The following PCOLCE2 variants were observed in gnomAD, a reference collection of about 807,000 sequenced individuals.
The protein encoded by PCOLCE2 is procollagen C-proteinase enhancer 2.
PCOLCE2 carries 42 observed loss-of-function variants against 47.0 expected under a neutral mutation model. The observed-to-expected ratio is 0.89, with a 90% CI of 0.70 to 1.16. The LOEUF (loss-of-function observed/expected upper bound fraction) is 1.16, where lower values mean the gene tolerates loss of function less well. Among genes scored for constraint, PCOLCE2 ranks in the 50% most tolerant of loss-of-function variants. PCOLCE2 has a pLI of 0.00. For missense variants in PCOLCE2, 500 were observed against 526.1 expected, an observed-to-expected ratio of 0.95 and a Z score of 0.49; for synonymous variants, 169 against 191.7, an observed-to-expected ratio of 0.88 and a Z score of 0.98.
At chr3:142,882,237 T>C (rs1315452020) in intron 2 of PCOLCE2, among the ~76,000 whole-genome samples, 1 of 152,076 alleles carries the variant, frequency 6.6e-6, no homozygotes, top group African/African-American at 2.4e-5. Context: ...TCTCTTTACG[T>C]TGTTCAGGCT....
At chr3:142,885,739 C>T (rs1933707347) in intron 2 of PCOLCE2, among the ~76,000 whole-genome samples, 1 of 152,224 alleles carries the variant, frequency 6.6e-6, no homozygotes, top group African/African-American at 2.4e-5. Context: ...ACTCTTAACT[C>T]CCTACAGTTC....
At chr3:142,855,267 T>C (rs1176913196) in intron 2 of PCOLCE2, among the ~76,000 whole-genome samples, 2 of 152,326 alleles carry the variant, frequency 1.3e-5, no homozygotes, top group East Asian at 1.9e-4. Flanking sequence ...GGTCTACAGT[T>C]TGTCCAATGC....
intron 2 of PCOLCE2, among the ~76,000 whole-genome samples, chr3:142,885,969 G>C (rs1443723405): frequency 6.6e-6 from 1 of 152,198 alleles, no homozygotes; most frequent in Non-Finnish European, 1.5e-5. Context: ...CAGGCACTGA[G>C]TTGAAGCATT....
At chr3:142,851,540 G>A (rs912858638) in intron 2 of PCOLCE2, among the ~76,000 whole-genome samples, 1 of 152,166 alleles carries the variant, frequency 6.6e-6, no homozygotes, top group African/African-American at 2.4e-5. Context: ...GTGGGGTGAG[G>A]ACAGTAACAA....
At chr3:142,874,084 T>G (rs1244527276) in intron 2 of PCOLCE2, among the ~76,000 whole-genome samples, 1 of 152,134 alleles carries the variant, frequency 6.6e-6, no homozygotes, top group African/African-American at 2.4e-5. Flanking sequence ...TGGTTTTATT[T>G]TATTTTATTT....
chr3:142,889,003 G>GCTCACACTGGCAGCAGCGCTGA lies in PCOLCE2; in HGVS notation c.-108_-107insTCAGCGCTGCTGCCAGTGTGAG. 2.1e-6 allele frequency: 1 copy of GCTCACACTGGCAGCAGCGCTGA among 482,486 alleles called. No homozygotes were observed. The highest frequency in any genetic ancestry group is 4.4e-5 in the Admixed American group (1 of 22,562). The allele number at this position is 482,486 out of a possible 1,614,324, so 29.9% of individuals were successfully genotyped here. A position where few individuals can be genotyped will look rare whatever the true frequency, so the allele number is the denominator to read the frequency against. The stretch of plus-strand genomic sequence containing the variant: ...GCCGCTCACACTGGCAGCAGCGCTG[G>GCTCACACTGGCAGCAGCGCTGA]CTCACACCGGCGCTCGGCTGCCCGC... On this transcript the variant is annotated 5_prime_UTR_variant, in exon 1 of 9. Transcript: ENST00000295992.
At chr3:142,819,272 A>G (rs536368623) in intron 8 of PCOLCE2, among the ~76,000 whole-genome samples, 2 of 152,256 alleles carry the variant, frequency 1.3e-5, no homozygotes, top group African/African-American at 4.8e-5. Flanking sequence ...CTGAATATTT[A>G]TATTACCTCA....
At chr3:142,880,391 T>C (rs749583040) in intron 2 of PCOLCE2, among the ~76,000 whole-genome samples, 2 of 151,910 alleles carry the variant, frequency 1.3e-5, no homozygotes, top group Non-Finnish European at 2.9e-5. Context: ...AAATAATAGT[T>C]ACAGTAATTT....
intron 7 of PCOLCE2, among the ~76,000 whole-genome samples, chr3:142,821,698 T>A (rs1408161823): frequency 6.6e-6 from 1 of 152,002 alleles, no homozygotes; most frequent in South Asian, 2.1e-4. Context: ...TTAAACTTTT[T>A]TTTTTCTTAA....
At chr3:142,849,464 T>G (rs1260701588) in intron 2 of PCOLCE2, among the ~76,000 whole-genome samples, 1 of 152,196 alleles carries the variant, frequency 6.6e-6, no homozygotes, top group Non-Finnish European at 1.5e-5. Flanking sequence ...AGCTTTCATT[T>G]TATCATAATA....
chr3:142,847,806 G>C (rs568582042), intron 3 of PCOLCE2, among the ~76,000 whole-genome samples: 4 of 152,280 alleles, frequency 2.6e-5, no homozygotes, highest in African/African-American at 7.2e-5. Context: ...CCAGTGTTGG[G>C]ATTACAGGCA....
chr3:142,855,118 C>T (rs1272272773), intron 2 of PCOLCE2, among the ~76,000 whole-genome samples: 1 of 152,218 alleles, frequency 6.6e-6, no homozygotes, highest in Admixed American at 6.5e-5. Flanking sequence ...TCTAGGTCAG[C>T]TCAAGAGTCA....
chr3:142,819,649 A>T (rs1236516462), intron 8 of PCOLCE2, among the ~76,000 whole-genome samples: 1 of 152,060 alleles, frequency 6.6e-6, no homozygotes, highest in Non-Finnish European at 1.5e-5. Flanking sequence ...CTTTATTTTT[A>T]AATTTTTTTC....
Position 142,818,256 on chromosome 3 carries a change from G to T in PCOLCE2, c.*79C>A. The stretch of plus-strand genomic sequence containing the variant: ...TCTTTCAGAATATGTAATTTTATAA[G>T]TATTTTTTTTTCTACTGAGAGAACA... On this transcript the variant is annotated 3_prime_UTR_variant, in exon 9 of 9. Transcript: ENST00000295992. The T allele has an allele frequency of 7.7e-7, 1 of 1,302,200 alleles. No homozygotes were observed. Among genetic ancestry groups the T allele is most frequent in the Non-Finnish European group, 1.1e-6 (1 of 915,230 alleles). The allele number at this position is 1,302,200 out of a possible 1,614,324, so 80.7% of individuals were successfully genotyped here.
chr3:142,838,095 TTCTTACAGG>T, intron 5 of PCOLCE2, among the ~76,000 whole-genome samples: 1 of 152,254 alleles, frequency 6.6e-6, no homozygotes, highest in East Asian at 1.9e-4. Flanking sequence ...CTTGATCTCA[TTCTTACAGG>T]GCAGTGATGT....
chr3:142,865,101 AG>A (rs1240963560), intron 2 of PCOLCE2, among the ~76,000 whole-genome samples: 1 of 151,904 alleles, frequency 6.6e-6, no homozygotes, highest in Non-Finnish European at 1.5e-5. Flanking sequence ...TCCTACCAGC[AG>A]TGTATGAGAG....
chr3:142,866,906 G>A (rs548658320), intron 2 of PCOLCE2, among the ~76,000 whole-genome samples: 3 of 152,216 alleles, frequency 2.0e-5, no homozygotes, highest in African/African-American at 7.2e-5. Context: ...CCAGGTCCAC[G>A]CAACAGGGCA....
At chr3:142,827,540 C>T (rs1042610374) in intron 6 of PCOLCE2, 2 of 1,479,478 alleles carry the variant, frequency 1.4e-6, no homozygotes, top group Admixed American at 1.7e-5. Context: ...CACGATCATA[C>T]CCTCAGGCAT....
intron 2 of PCOLCE2, among the ~76,000 whole-genome samples, chr3:142,866,871 A>G (rs1452911280): frequency 6.6e-6 from 1 of 152,234 alleles, no homozygotes; most frequent in Non-Finnish European, 1.5e-5. Context: ...GCAGGCTTGC[A>G]TATGTAAATG....
Sources: allele counts gnomAD v4.1 joint callset (sites outside exome capture counted in the v4.1 genomes callset), GRCh38; gene constraint gnomAD v4.1.1; transcripts MANE v1.5; gene names NCBI Gene and HGNC (gene_info 2026-07-23, HGNC 2026-07-21).